SLC25A13: variants seen among roughly 807,000 people sequenced by gnomAD.
SLC25A13 encodes electrogenic aspartate/glutamate antiporter SLC25A13, mitochondrial.
SLC25A13 carries 70 observed loss-of-function variants against 85.5 expected under a neutral mutation model. That is an observed-to-expected ratio of 0.82 (90% CI 0.68 to 1.00). The LOEUF is 1.00. Among genes scored for constraint, SLC25A13 ranks in the 50% least tolerant of loss-of-function variants. The pLI is 0.00. For missense variants in SLC25A13, 765 were observed against 819.8 expected (o/e 0.93, Z 0.82); for synonymous variants, 259 against 288.7 (o/e 0.90, Z 1.04).
chr7:96,124,440 G>C (rs1791642005), intron 15 of SLC25A13, among the ~76,000 whole-genome samples: 1 of 152,156 alleles, frequency 6.6e-6, no homozygotes, highest in Non-Finnish European at 1.5e-5. Flanking sequence ...CTTTGAAGCT[G>C]AGAGATGACA....
At chr7:96,249,379 A>T (rs933145845) in intron 3 of SLC25A13, among the ~76,000 whole-genome samples, 1 of 152,252 alleles carries the variant, frequency 6.6e-6, no homozygotes, top group African/African-American at 2.4e-5. Flanking sequence ...TTATACAAAT[A>T]GCCACACCAA....
At chr7:96,191,293 T>G in intron 6 of SLC25A13, 46 bp from the exon 7 acceptor site, 3 of 1,599,248 alleles carry the variant, frequency 1.9e-6, no homozygotes, top group South Asian at 2.2e-5. Context: ...TACAAAAGAT[T>G]TATAGATGAT....
rs763076851 is a variant in SLC25A13 at position 96,121,099 on chromosome 7, G to A, written c.*92C>T. 2.1e-5 allele frequency: 29 copies of A among 1,370,120 alleles called. No homozygotes were observed. In the Middle Eastern group the frequency reaches 5.4e-4, roughly 26 times the overall value. The allele number at this position is 1,370,120 out of a possible 1,614,324, so 84.9% of individuals were successfully genotyped here. On this transcript the variant is annotated 3_prime_UTR_variant, in exon 18 of 18. Transcript: ENST00000265631. ...ACTTGAATTTAAACAAGAGATGGACGTAAAAGGGATGAAGCATTGCTTCAT... is the reference window on the plus strand; with the variant it reads ...ACTTGAATTTAAACAAGAGATGGACATAAAAGGGATGAAGCATTGCTTCAT...
intron 14 of SLC25A13, among the ~76,000 whole-genome samples, chr7:96,139,480 C>T (rs949450144): frequency 3.9e-5 from 6 of 152,096 alleles, no homozygotes; most frequent in African/African-American, 1.2e-4. Context: ...AATGTTCACA[C>T]ATATTAGATA....
At chr7:96,186,652 A>C (rs2116638552) in intron 9 of SLC25A13, among the ~76,000 whole-genome samples, 1 of 152,350 alleles carries the variant, frequency 6.6e-6, no homozygotes, top group East Asian at 1.9e-4. Flanking sequence ...CTATCATTCA[A>C]AATGATACTG....
chr7:96,215,865 A>T (rs1015844549), intron 4 of SLC25A13, among the ~76,000 whole-genome samples: 1 of 152,132 alleles, frequency 6.6e-6, no homozygotes, highest in African/African-American at 2.4e-5. Context: ...TTAAGAAAGT[A>T]TTAAAATGGC....
chr7:96,186,383 C>A (rs557754803), intron 9 of SLC25A13, among the ~76,000 whole-genome samples: 1 of 152,080 alleles, frequency 6.6e-6, no homozygotes, highest in Non-Finnish European at 1.5e-5. Flanking sequence ...GAGCCAAGAT[C>A]GCGCCACTGC....
At chr7:96,273,475 T>C (rs189002686) in intron 3 of SLC25A13, among the ~76,000 whole-genome samples, 427 of 152,274 alleles carry the variant, frequency 2.8e-3, no homozygotes, top group Non-Finnish European at 3.6e-3. Context: ...TTCTCCTAAG[T>C]GCAATAATAG....
intron 3 of SLC25A13, among the ~76,000 whole-genome samples, chr7:96,235,305 T>C (rs1198889982): frequency 6.6e-6 from 1 of 152,158 alleles, no homozygotes; most frequent in Non-Finnish European, 1.5e-5. Flanking sequence ...ATTAGTATCC[T>C]TATACACCAT....
At chr7:96,216,423 A>T (rs1009810177) in intron 4 of SLC25A13, among the ~76,000 whole-genome samples, 2 of 152,112 alleles carry the variant, frequency 1.3e-5, no homozygotes, top group African/African-American at 2.4e-5. Context: ...CATATACATC[A>T]TTCTATTATA....
intron 12 of SLC25A13, among the ~76,000 whole-genome samples, chr7:96,170,782 C>T (rs903659817): frequency 6.6e-6 from 1 of 152,190 alleles, no homozygotes; most frequent in African/African-American, 2.4e-5. Flanking sequence ...TCCAAAGCTA[C>T]GCAGCCCAAC....
At chr7:96,168,038 T>A (rs1207757834) in intron 13 of SLC25A13, among the ~76,000 whole-genome samples, 2 of 127,196 alleles carry the variant, frequency 1.6e-5, no homozygotes, top group African/African-American at 5.9e-5. Context: ...AGGTGGAGGC[T>A]GCAGTGAGCC....
chr7:96,229,748 A>T (rs954781271), intron 4 of SLC25A13, among the ~76,000 whole-genome samples: 9 of 152,114 alleles, frequency 5.9e-5, no homozygotes, highest in African/African-American at 2.2e-4. Context: ...CTGCAGCTTC[A>T]CTCCTGAAGC....
intron 2 of SLC25A13, among the ~76,000 whole-genome samples, chr7:96,291,842 C>T (rs1438618641): frequency 6.6e-6 from 1 of 152,132 alleles, no homozygotes; most frequent in Admixed American, 6.5e-5. Context: ...CGAATTCTAC[C>T]AGAGGTACAA....
At chr7:96,124,927 G>A (rs1346514436) in intron 15 of SLC25A13, among the ~76,000 whole-genome samples, 1 of 152,152 alleles carries the variant, frequency 6.6e-6, no homozygotes, top group Non-Finnish European at 1.5e-5. Context: ...AGCAAGGGGA[G>A]GACTTTGGCG....
intron 3 of SLC25A13, among the ~76,000 whole-genome samples, chr7:96,252,509 A>G (rs1342650429): frequency 2.0e-5 from 3 of 152,156 alleles, no homozygotes; most frequent in Non-Finnish European, 4.4e-5. Flanking sequence ...CAGGGAGGAG[A>G]GGGCTGAAGA....
chr7:96,297,455 T>C (rs1030900344), intron 1 of SLC25A13, among the ~76,000 whole-genome samples: 2 of 151,972 alleles, frequency 1.3e-5, no homozygotes, highest in African/African-American at 4.8e-5. Context: ...TGCCTCAGCC[T>C]CCTGAGTAGC....
rs570335548 is a variant in SLC25A13, at chr7:96,206,026, T to C, written c.468+2812A>G. Among the ~76,000 whole-genome samples the C allele has an allele frequency of 9.2e-5, 14 of 151,838 alleles. 2 individuals are homozygous for C. Among genetic ancestry groups the C allele is most frequent in the African/African-American group, 2.7e-4 (11 of 41,394 alleles). On this transcript the variant is annotated intron_variant, in intron 5 of 17. Transcript: ENST00000265631. Reference sequence around the variant, plus strand: ...TATATACATACATAATAAGCACAGGTAATGTGCTGGCCGGAACCAACCTGA... The same window carrying C: ...TATATACATACATAATAAGCACAGGCAATGTGCTGGCCGGAACCAACCTGA...
chr7:96,302,951 C>T (rs1450383172), intron 1 of SLC25A13, among the ~76,000 whole-genome samples: 6 of 152,134 alleles, frequency 3.9e-5, no homozygotes, highest in Admixed American at 2.6e-4. Context: ...TTTTAATGTA[C>T]GGATTATAAG....
Sources: allele counts gnomAD v4.1 joint callset (sites outside exome capture counted in the v4.1 genomes callset), GRCh38; gene constraint gnomAD v4.1.1; transcripts MANE v1.5; gene names NCBI Gene and HGNC (gene_info 2026-07-23, HGNC 2026-07-21).